The following PRKG1 variants were observed in gnomAD, a reference collection of about 807,000 sequenced individuals.
The protein encoded by PRKG1 is protein kinase cGMP-dependent 1.
Under a neutral mutation model 88.1 loss-of-function variants are expected in PRKG1, and 35 were observed. The observed-to-expected ratio is 0.40, with a 90% CI of 0.30 to 0.53. The LOEUF is 0.53. PRKG1 is among the 20% of genes least tolerant of loss of function. The pLI is 0.59. For missense variants in PRKG1, 540 were observed against 839.8 expected, an observed-to-expected ratio of 0.64 and a Z score of 4.41; for synonymous variants, 303 against 292.5, an observed-to-expected ratio of 1.04 and a Z score of -0.37.
intron 2 of PRKG1, among the ~76,000 whole-genome samples, chr10:51,447,809 A>G (rs1307066428): frequency 6.6e-6 from 1 of 152,042 alleles, no homozygotes; most frequent in Non-Finnish European, 1.5e-5. Context: ...TAGCTGCAAC[A>G]TGCCTGGGTG....
intron 4 of PRKG1, among the ~76,000 whole-genome samples, chr10:51,805,535 T>A (rs1273640804): frequency 6.6e-6 from 1 of 152,038 alleles, no homozygotes; most frequent in Non-Finnish European, 1.5e-5. Flanking sequence ...TATGAGCATA[T>A]AATGAGTGTA....
At chr10:51,373,771 T>C (rs1842751892) in intron 2 of PRKG1, among the ~76,000 whole-genome samples, 1 of 152,144 alleles carries the variant, frequency 6.6e-6, no homozygotes, top group South Asian at 2.1e-4. Flanking sequence ...TGGAGGCCAT[T>C]ATCATCAGCA....
intron 2 of PRKG1, among the ~76,000 whole-genome samples, chr10:51,269,016 G>T (rs1839908678): frequency 1.3e-5 from 2 of 152,074 alleles, no homozygotes; most frequent in Admixed American, 1.3e-4. Flanking sequence ...GGAACTCAAA[G>T]AAATCAGCAA....
intron 9 of PRKG1, among the ~76,000 whole-genome samples, chr10:52,207,769 G>A (rs1292221901): frequency 1.3e-5 from 2 of 152,104 alleles, no homozygotes; most frequent in African/African-American, 4.8e-5. Context: ...ATCTCTGGGG[G>A]CCGGGAGTGA....
intron 8 of PRKG1, among the ~76,000 whole-genome samples, chr10:52,145,401 T>C (rs1837703835): frequency 6.6e-6 from 1 of 152,200 alleles, no homozygotes; most frequent in African/African-American, 2.4e-5. Context: ...ATAAAAGATT[T>C]CAGTTTCTAA....
intron 4 of PRKG1, among the ~76,000 whole-genome samples, chr10:51,859,774 T>C (rs780241998): frequency 2.0e-5 from 3 of 152,190 alleles, no homozygotes; most frequent in Admixed American, 6.5e-5. Flanking sequence ...CTATTTCCCA[T>C]ACAAAAAAAT....
Position 50,991,352 on chromosome 10 carries a change from A to G in PRKG1, c.-27A>G. On this transcript the variant is annotated 5_prime_UTR_variant, in exon 1 of 18. Coordinates refer to the PRKG1 transcript ENST00000401604. This position sits in a 1 kb window ranked among gnomAD's most constrained non-coding sequence, Gnocchi z 4.5. ...CCGCCGCCGCCGCCGCCCGAGAAAA[A>G]GTTTCGCGGAGGGGCTCAGTGAAAA... 1 of 1,482,678 alleles carries G rather than the reference A, an allele frequency of 6.7e-7. No homozygotes were observed. The allele number at this position is 1,482,678 out of a possible 1,614,324, so 91.8% of individuals were successfully genotyped here.
intron 2 of PRKG1, among the ~76,000 whole-genome samples, chr10:51,254,900 C>A (rs372425256): frequency 6.6e-6 from 1 of 151,906 alleles, no homozygotes; most frequent in African/African-American, 2.4e-5. Context: ...GGATTCTGTT[C>A]CCTTTGATGA....
intron 8 of PRKG1, among the ~76,000 whole-genome samples, chr10:52,150,207 A>G (rs1837874958): frequency 7.3e-6 from 1 of 137,162 alleles, no homozygotes; most frequent in South Asian, 2.5e-4. Flanking sequence ...TAAGGGCAGG[A>G]TTTGAGAGAG....
At chr10:50,993,469 T>C (rs984561478) in intron 1 of PRKG1, among the ~76,000 whole-genome samples, 6 of 152,208 alleles carry the variant, frequency 3.9e-5, no homozygotes, top group Non-Finnish European at 1.5e-5. Flanking sequence ...CCTGGGAAGC[T>C]GCTGCTGAGT....
At chr10:51,896,168 C>A (rs1841841825) in intron 4 of PRKG1, among the ~76,000 whole-genome samples, 2 of 152,094 alleles carry the variant, frequency 1.3e-5, no homozygotes, top group African/African-American at 2.4e-5. Context: ...AAGGATATTT[C>A]CAGCACTCTT....
In PRKG1 at chr10:52,197,687, G is replaced by A. The variant is rs188158566; in HGVS notation, c.1076+35724G>A. ...ATACTTCACTTACACAACTTCAGAG[G>A]TGAGAGAGATCTCCAAGTCCAGCTC... On this transcript the variant is annotated intron_variant, in intron 9 of 17. Coordinates refer to ENST00000373980, the MANE Select transcript of PRKG1 (RefSeq NM_006258.4). Among the ~76,000 whole-genome samples the A allele has an allele frequency of 3.9e-5, 6 of 152,312 alleles. No homozygotes were observed. In the East Asian group the frequency reaches 1.2e-3, roughly 29 times the overall value.
intron 4 of PRKG1, among the ~76,000 whole-genome samples, chr10:51,824,760 C>G (rs1182694970): frequency 6.6e-6 from 1 of 152,010 alleles, no homozygotes; most frequent in Non-Finnish European, 1.5e-5. Flanking sequence ...TGCCAGGCTC[C>G]TTTGAACAAC....
chr10:52,268,015 G>T (rs1304774032), intron 10 of PRKG1, among the ~76,000 whole-genome samples: 1 of 152,092 alleles, frequency 6.6e-6, no homozygotes, highest in Non-Finnish European at 1.5e-5. Context: ...CACTGTCTCT[G>T]TTGAGTTAGC....
chr10:51,139,016 G>C (rs995985039), intron 1 of PRKG1, among the ~76,000 whole-genome samples: 20 of 151,978 alleles, frequency 1.3e-4, no homozygotes, highest in Admixed American at 1.0e-3. Flanking sequence ...CCTACTCTCC[G>C]TGTAAACTTA....
chr10:51,265,255 G>A (rs1385491117), intron 2 of PRKG1, among the ~76,000 whole-genome samples: 2 of 152,108 alleles, frequency 1.3e-5, no homozygotes, highest in East Asian at 3.8e-4. Context: ...TAGTAGTAGT[G>A]AGGAGATAAA....
intron 5 of PRKG1, among the ~76,000 whole-genome samples, chr10:52,035,462 A>C (rs1445635998): frequency 1.3e-5 from 2 of 152,190 alleles, no homozygotes; most frequent in South Asian, 4.1e-4. Flanking sequence ...GTACTATAGC[A>C]TAACCTGCCT....
At chr10:51,113,110 A>G (rs1162500272) in intron 1 of PRKG1, among the ~76,000 whole-genome samples, 1 of 152,196 alleles carries the variant, frequency 6.6e-6, no homozygotes. Flanking sequence ...CCAGACACCC[A>G]TAGGCTTTGC....
intron 5 of PRKG1, among the ~76,000 whole-genome samples, chr10:51,965,748 T>C (rs539928680): frequency 2.0e-5 from 3 of 152,270 alleles, no homozygotes; most frequent in South Asian, 4.1e-4. Flanking sequence ...AAAATTACAA[T>C]TGAGAATATC....
Sources: gnomAD v4.1 joint callset for allele counts (sites outside exome capture counted in the v4.1 genomes callset) on GRCh38, gnomAD v4.1.1 for gene constraint, Gnocchi (gnomAD v3.1) non-coding constraint, MANE v1.5 for transcripts, NCBI Gene and HGNC (gene_info 2026-07-23, HGNC 2026-07-21) for gene names.